LRRC8D: variants seen among roughly 807,000 people sequenced by gnomAD.
LRRC8D encodes leucine rich repeat containing 8 VRAC subunit D, also known as volume-regulated anion channel subunit LRRC8D.
A neutral mutation model predicts 55.8 loss-of-function variants in LRRC8D; 20 were observed. That is an observed-to-expected ratio of 0.36 (90% CI 0.25 to 0.52). LRRC8D has a LOEUF of 0.52. LRRC8D is among the 20% of genes least tolerant of loss of function. The probability of loss-of-function intolerance (pLI) is 0.93; values close to 1 mark genes in which losing one functional copy is unlikely to be tolerated. For synonymous variants in LRRC8D, 352 were observed against 377.0 expected (o/e 0.93, Z 0.77); for missense variants, 651 against 1,030.8 (o/e 0.63, Z 5.05).
At chr1:89,832,725 C>G (rs569454769) in intron 1 of LRRC8D, among the ~76,000 whole-genome samples, 32 of 152,268 alleles carry the variant, frequency 2.1e-4, no homozygotes, top group African/African-American at 7.2e-4. Flanking sequence ...GGAAGTGAAA[C>G]TTGTAAATAA....
chr1:89,843,481 G>A (rs1661189399), intron 1 of LRRC8D, 157 bp from the exon 2 acceptor site: 2 of 449,612 alleles, frequency 4.4e-6, no homozygotes, highest in Non-Finnish European at 4.0e-6. Context: ...CCGGTGCGGC[G>A]GGGTCGCCAC....
intron 2 of LRRC8D, among the ~76,000 whole-genome samples, chr1:89,915,529 T>C (rs1382070170): frequency 1.3e-5 from 2 of 152,252 alleles, no homozygotes; most frequent in African/African-American, 2.4e-5. Flanking sequence ...AACCAATGTA[T>C]GATATTTTAG....
intron 2 of LRRC8D, among the ~76,000 whole-genome samples, chr1:89,895,848 C>T (rs1374536907): frequency 6.6e-6 from 1 of 152,146 alleles, no homozygotes; most frequent in South Asian, 2.1e-4. Flanking sequence ...GATAGAATGT[C>T]TCTGAGTCTG....
chr1:89,826,624 G>A (rs1660770770), intron 1 of LRRC8D, among the ~76,000 whole-genome samples: 1 of 152,222 alleles, frequency 6.6e-6, no homozygotes, highest in Non-Finnish European at 1.5e-5. Flanking sequence ...TACACATGTA[G>A]TGACAGAGTA....
chr1:89,932,641 C>T (rs1339166106), intron 2 of LRRC8D, among the ~76,000 whole-genome samples: 1 of 152,214 alleles, frequency 6.6e-6, no homozygotes, highest in Non-Finnish European at 1.5e-5. Flanking sequence ...GAACATAAGA[C>T]TATCCAAAGT....
intron 2 of LRRC8D, among the ~76,000 whole-genome samples, chr1:89,844,896 ATGTT>A (rs1557446931): frequency 6.6e-6 from 1 of 152,170 alleles, no homozygotes; most frequent in Admixed American, 6.5e-5. Flanking sequence ...CTCAAATTAA[ATGTT>A]TGAGCCCTGT....
chr1:89,823,509 A>G (rs1660690823), intron 1 of LRRC8D, among the ~76,000 whole-genome samples: 1 of 152,232 alleles, frequency 6.6e-6, no homozygotes, highest in Non-Finnish European at 1.5e-5. Flanking sequence ...TTCTGTTCTC[A>G]GTACTGTAGA....
At chr1:89,890,876 C>CT (rs1557470155) in intron 2 of LRRC8D, among the ~76,000 whole-genome samples, 1 of 151,926 alleles carries the variant, frequency 6.6e-6, no homozygotes, top group African/African-American at 2.4e-5. Flanking sequence ...GTTCCTCATT[C>CT]TTTTTTTGTT....
At chr1:89,888,201 A>AGTT (rs1174828721) in intron 2 of LRRC8D, among the ~76,000 whole-genome samples, 1 of 152,250 alleles carries the variant, frequency 6.6e-6, no homozygotes, top group Non-Finnish European at 1.5e-5. Flanking sequence ...TACCGACTTA[A>AGTT]ATAACTTAGG....
chr1:89,834,330 TAAC>T (rs971203847), intron 1 of LRRC8D, among the ~76,000 whole-genome samples: 2 of 152,232 alleles, frequency 1.3e-5, no homozygotes, highest in Admixed American at 6.5e-5. Flanking sequence ...CACTAAATAT[TAAC>T]AACGGCTATC....
At chr1:89,922,076 T>TG (rs1339711551) in intron 2 of LRRC8D, among the ~76,000 whole-genome samples, 17 of 151,884 alleles carry the variant, frequency 1.1e-4, no homozygotes, top group Non-Finnish European at 1.9e-4. Flanking sequence ...ATTTTTTTTT[T>TG]GGGGGAGATG....
intron 2 of LRRC8D, among the ~76,000 whole-genome samples, chr1:89,876,015 G>C (rs1473153858): frequency 1.3e-5 from 2 of 152,156 alleles, no homozygotes; most frequent in African/African-American, 4.8e-5. Flanking sequence ...TGGGTAGGGA[G>C]CATGTCAGCC....
At chr1:89,842,064 T>A (rs1661146885) in intron 1 of LRRC8D, among the ~76,000 whole-genome samples, 1 of 151,704 alleles carries the variant, frequency 6.6e-6, no homozygotes, top group Non-Finnish European at 1.5e-5. Context: ...TACAAAAAAA[T>A]TAGCTGGGCA....
intron 2 of LRRC8D, among the ~76,000 whole-genome samples, chr1:89,854,295 G>C (rs1661496450): frequency 6.6e-6 from 1 of 152,188 alleles, no homozygotes; most frequent in South Asian, 2.1e-4. Context: ...TGTAAAAGGA[G>C]CCCAGTGCTT....
chr1:89,886,165 G>C (rs1051507822), intron 2 of LRRC8D, among the ~76,000 whole-genome samples: 2 of 152,076 alleles, frequency 1.3e-5, no homozygotes, highest in Non-Finnish European at 2.9e-5. Flanking sequence ...AGAGTGTAGT[G>C]CCTCATCCAT....
intron 2 of LRRC8D, among the ~76,000 whole-genome samples, chr1:89,879,393 A>C (rs989961122): frequency 6.6e-6 from 1 of 152,236 alleles, no homozygotes; most frequent in African/African-American, 2.4e-5. Flanking sequence ...TAAGGAAACA[A>C]TTGTTGAGAA....
chr1:89,886,931 TG>T (rs1369984753), intron 2 of LRRC8D, among the ~76,000 whole-genome samples: 4 of 152,180 alleles, frequency 2.6e-5, no homozygotes, highest in Non-Finnish European at 5.9e-5. Flanking sequence ...ATTTTTAAAA[TG>T]GGGCATTTTA....
At chr1:89,881,616 T>TGTAA (rs1324179063) in intron 2 of LRRC8D, among the ~76,000 whole-genome samples, 3 of 151,804 alleles carry the variant, frequency 2.0e-5, no homozygotes, top group Admixed American at 6.6e-5. Flanking sequence ...GGAGCTATGG[T>TGTAA]GTAAGGAAGG....
chr1:89,907,151 T>C (rs542470573), intron 2 of LRRC8D, among the ~76,000 whole-genome samples: 1 of 151,026 alleles, frequency 6.6e-6, no homozygotes. Context: ...CATCTATCTT[T>C]CAGGTGTTGG....
Sources: gnomAD v4.1 joint callset for allele counts (sites outside exome capture counted in the v4.1 genomes callset) on GRCh38, gnomAD v4.1.1 for gene constraint, MANE v1.5 for transcripts, NCBI Gene and HGNC (gene_info 2026-07-23, HGNC 2026-07-21) for gene names.